The following LCLAT1 variants were observed in gnomAD, a reference collection of about 807,000 sequenced individuals.
The protein encoded by LCLAT1 is lysocardiolipin acyltransferase 1.
In LCLAT1, 11 loss-of-function variants were observed where a neutral mutation model predicts 30.7. The ratio of observed to expected loss-of-function variants is 0.36; its 90% confidence interval spans 0.23 to 0.59. The LOEUF (loss-of-function observed/expected upper bound fraction) is 0.59, where lower values mean the gene tolerates loss of function less well. Ranked by LOEUF, LCLAT1 falls within the 20% of genes least tolerant of loss-of-function variation. The pLI is 0.77. For missense variants in LCLAT1, 402 were observed against 458.6 expected (o/e 0.88, Z 1.13); for synonymous variants, 155 against 151.3 (o/e 1.02, Z -0.18).
At chr2:30,489,284 C>T (rs1683714590) in intron 1 of LCLAT1, 2 of 152,144 alleles carry the variant, frequency 1.3e-5, no homozygotes, top group Non-Finnish European at 2.9e-5. Context: ...TCTTTACCTT[C>T]CCAGACTTAG....
At chr2:30,556,742 C>CTT (rs35188565) in intron 3 of LCLAT1, among the ~76,000 whole-genome samples, 13 of 114,824 alleles carry the variant, frequency 1.1e-4, no homozygotes, top group South Asian at 5.3e-4. Context: ...TTTAGAAAGT[C>CTT]TTTTTTTTTT....
At chr2:30,486,257 A>G (rs1683552362) in intron 1 of LCLAT1, among the ~76,000 whole-genome samples, 1 of 152,236 alleles carries the variant, frequency 6.6e-6, no homozygotes, top group African/African-American at 2.4e-5. Flanking sequence ...AAAATTTAAC[A>G]TAAAAATTAA....
intron 3 of LCLAT1, among the ~76,000 whole-genome samples, chr2:30,558,616 AAAG>A (rs1665048072): frequency 6.6e-6 from 1 of 151,852 alleles, no homozygotes; most frequent in Non-Finnish European, 1.5e-5. Context: ...AAAAAAAAAA[AAAG>A]GTGTCCAGCA....
intron 5 of LCLAT1, among the ~76,000 whole-genome samples, chr2:30,571,690 C>T (rs1665787791): frequency 6.6e-6 from 1 of 152,178 alleles, no homozygotes; most frequent in Non-Finnish European, 1.5e-5. Context: ...AGACAAATTA[C>T]TGAAATACTG....
intron 3 of LCLAT1, among the ~76,000 whole-genome samples, chr2:30,542,911 G>A (rs1032923212): frequency 1.4e-5 from 2 of 144,442 alleles, no homozygotes; most frequent in African/African-American, 5.1e-5. Flanking sequence ...CACATTGCTT[G>A]TATGTAAATA....
chr2:30,622,722 GCT>G (rs1668323373), intron 5 of LCLAT1, among the ~76,000 whole-genome samples: 1 of 152,160 alleles, frequency 6.6e-6, no homozygotes, highest in African/African-American at 2.4e-5. Flanking sequence ...CTGCAGTTCA[GCT>G]CTCAGGAAGC....
intron 2 of LCLAT1, among the ~76,000 whole-genome samples, chr2:30,532,280 A>G (rs1686018831): frequency 6.6e-6 from 1 of 152,140 alleles, no homozygotes; most frequent in Non-Finnish European, 1.5e-5. Context: ...CTTGTTCAAG[A>G]TTATCATGAT....
chr2:30,507,293 C>T (rs962425500), intron 1 of LCLAT1, among the ~76,000 whole-genome samples: 6 of 152,064 alleles, frequency 3.9e-5, no homozygotes, highest in Middle Eastern at 3.2e-3. Context: ...ATAATTTTAA[C>T]AGGGATTAAC....
At chr2:30,527,792 ACC>A (rs1230896101) in intron 2 of LCLAT1, among the ~76,000 whole-genome samples, 1 of 152,196 alleles carries the variant, frequency 6.6e-6, no homozygotes, top group Non-Finnish European at 1.5e-5. Flanking sequence ...TTTGGTAAGT[ACC>A]CGGTAAATAT....
intron 3 of LCLAT1, among the ~76,000 whole-genome samples, chr2:30,554,045 TCGGGAAAAAAAGAGA>T (rs1318097519): frequency 2.0e-5 from 3 of 151,948 alleles, no homozygotes; most frequent in Non-Finnish European, 4.4e-5. Flanking sequence ...GATTTTTTTA[TCGGGAAAAAAAGAGA>T]AAAACATTTA....
intron 1 of LCLAT1, chr2:30,459,404 G>A: frequency 1.9e-6 from 1 of 529,576 alleles, no homozygotes. Flanking sequence ...AGCTTCCTGA[G>A]TTGCCCTGTG....
intron 1 of LCLAT1, among the ~76,000 whole-genome samples, chr2:30,481,190 G>T (rs1683302683): frequency 6.6e-6 from 1 of 152,126 alleles, no homozygotes; most frequent in African/African-American, 2.4e-5. Context: ...AAGGGGAGTG[G>T]TAATTCGATT....
intron 1 of LCLAT1, among the ~76,000 whole-genome samples, chr2:30,524,066 A>G (rs1478918316): frequency 4.7e-4 from 3 of 6,352 alleles, no homozygotes; most frequent in African/African-American, 2.2e-3. Context: ...TATAGATTAT[A>G]AGGCTGTTTT....
chr2:30,564,466 G>T (rs2148444622), intron 4 of LCLAT1, among the ~76,000 whole-genome samples: 1 of 148,548 alleles, frequency 6.7e-6, no homozygotes, highest in South Asian at 2.3e-4. Context: ...TTTTGTAGGT[G>T]ATGAACTCTC....
At chr2:30,628,607 G>C (rs1318723494) in intron 5 of LCLAT1, among the ~76,000 whole-genome samples, 1 of 152,048 alleles carries the variant, frequency 6.6e-6, no homozygotes, top group Non-Finnish European at 1.5e-5. Context: ...AGGGAAACTA[G>C]ATATCTATAT....
intron 1 of LCLAT1, among the ~76,000 whole-genome samples, chr2:30,477,915 C>G (rs1333975918): frequency 6.6e-6 from 1 of 152,120 alleles, no homozygotes; most frequent in Non-Finnish European, 1.5e-5. Context: ...GATTTTCCTT[C>G]TGTTTTTCTA....
At chr2:30,620,070 T>C (rs1668167977) in intron 5 of LCLAT1, among the ~76,000 whole-genome samples, 1 of 152,116 alleles carries the variant, frequency 6.6e-6, no homozygotes, top group Non-Finnish European at 1.5e-5. Flanking sequence ...CAATTAATCC[T>C]CCCCAAGGTT....
At position 30,533,330 on chromosome 2, in the gene LCLAT1, A is replaced by T. The variant is rs829624; in HGVS notation, c.364+16A>T. ...CCTGGATTTGGTAGGTTATTCACAC[A>T]TTATTTTAAGTGGTTCATTCATTTT... On this transcript the variant is annotated intron_variant, in intron 3 of 5. Transcript: ENST00000379509. 2.5e-6 allele frequency: 4 copies of T among 1,605,958 alleles called. No individual in the cohort carries two copies. The highest frequency in any genetic ancestry group is 3.4e-6 in the Non-Finnish European group (4 of 1,172,690).
intron 1 of LCLAT1, among the ~76,000 whole-genome samples, chr2:30,498,374 T>C (rs1684216788): frequency 6.6e-6 from 1 of 152,146 alleles, no homozygotes; most frequent in Non-Finnish European, 1.5e-5. Context: ...CCTATATAAA[T>C]GAAGACTTAG....
Sources: allele counts gnomAD v4.1 joint callset (sites outside exome capture counted in the v4.1 genomes callset), GRCh38; gene constraint gnomAD v4.1.1; transcripts MANE v1.5; gene names NCBI Gene and HGNC (gene_info 2026-07-23, HGNC 2026-07-21).